XRCC3: variants seen among roughly 807,000 people sequenced by gnomAD.
The protein encoded by XRCC3 is X-ray repair cross complementing 3.
In XRCC3, 34 loss-of-function variants were observed where a neutral mutation model predicts 29.2. That is an observed-to-expected ratio of 1.16 (90% CI 0.88 to 1.55). The LOEUF is 1.55. Ranked by LOEUF, XRCC3 falls within the 40% of genes most tolerant of loss-of-function variation. XRCC3 has a pLI of 0.00. For synonymous variants in XRCC3, 223 were observed against 211.3 expected, an observed-to-expected ratio of 1.06 and a Z score of -0.48; for missense variants, 463 against 467.6, an observed-to-expected ratio of 0.99 and a Z score of 0.09.
intron 3 of XRCC3, 59 bp downstream of exon 3, chr14:103,711,406 TG>T: frequency 1.7e-6 from 1 of 571,442 alleles, no homozygotes; most frequent in Non-Finnish European, 3.3e-6. Flanking sequence ...TTACCTCCTG[TG>T]GAAAGTGCTA....
Position 103,698,906 on chromosome 14 carries a change from TGGGCAGCCGA to T in XRCC3, c.923_932del (p.Leu308GlnfsTer58), listed in dbSNP as rs773583753. 10 of 1,601,768 alleles carry T rather than the reference TGGGCAGCCGA, an allele frequency of 6.2e-6. No individual in the cohort carries two copies. Among genetic ancestry groups the T allele is most frequent in the Admixed American group, 1.7e-5 (1 of 58,596 alleles). ...CAGAGAGCACCCGCAGGGTCCGGGC[TGGGCAGCCGA>T]GGGCAGCCTCTTCCTCGCGGAGCCG... On this transcript the variant is annotated frameshift_variant, in exon 10 of 10. Transcript: ENST00000555055. LOFTEE classifies it low-confidence loss of function (END_TRUNC).
chr14:103,703,760 C>T (rs952249121), intron 6 of XRCC3: 4 of 275,226 alleles, frequency 1.5e-5, no homozygotes, highest in East Asian at 9.0e-5. Context: ...CTCAAGGCCC[C>T]CACTGAGCAA....
chr14:103,710,942 G>A lies in XRCC3; in HGVS notation c.55+91C>T, dbSNP rs1490671662. The A allele has an allele frequency of 1.6e-5, 21 of 1,349,676 alleles. No homozygotes were observed. In the East Asian group the frequency reaches 4.9e-4, roughly 32 times the overall value. 83.6% of individuals were successfully genotyped at this position (1,349,676 alleles called of 1,614,324 possible). A position where few individuals can be genotyped will look rare whatever the true frequency, so the allele number is the denominator to read the frequency against. On this transcript the variant is annotated intron_variant, in intron 4 of 9. Transcript: ENST00000555055. The stretch of plus-strand genomic sequence containing the variant: ...TAATAATCAGGGTAGGCAAAGGAAG[G>A]AAGGCTTAGCCAGCCAGCGTTTTGT...
rs900849432 is a variant in XRCC3 at position 103,708,970 on chromosome 14, C to T, written c.56-311G>A. On this transcript the variant is annotated intron_variant, in intron 4 of 9. Transcript: ENST00000555055. ...AGGTCCCGGTGCTGAGAGCAGGTTC[C>T]GGTACTGAGAAGAAACGACAGGCAC... 2.1e-5 allele frequency: 8 copies of T among 386,642 alleles called. No homozygotes were observed. In the East Asian group the frequency reaches 3.7e-4, roughly 18 times the overall value. The allele number at this position is 386,642 out of a possible 1,614,324, so 24.0% of individuals were successfully genotyped here.
At chr14:103,700,155 C>G (rs1417479552) in intron 7 of XRCC3, 1 of 202,538 alleles carries the variant, frequency 4.9e-6, no homozygotes, top group African/African-American at 2.3e-5. Flanking sequence ...TGGGAGACCA[C>G]CTGGGGGTCA....
intron 7 of XRCC3, among the ~76,000 whole-genome samples, 178 bp from the exon 8 acceptor site, chr14:103,699,754 C>T (rs1286054184): frequency 6.6e-6 from 1 of 152,142 alleles, no homozygotes; most frequent in Non-Finnish European, 1.5e-5. Flanking sequence ...CTCAAAGAGG[C>T]CCCAACTATA....
intron 5 of XRCC3, chr14:103,707,534 C>G (rs2083477489): frequency 2.2e-6 from 1 of 464,410 alleles, no homozygotes; most frequent in Non-Finnish European, 4.0e-6. Flanking sequence ...CCCTAACAGC[C>G]TCCATGTGAA....
chr14:103,700,702 G>A lies in XRCC3; in HGVS notation c.562-1126C>T, dbSNP rs769033526. 3 of 1,604,940 alleles carry A rather than the reference G, an allele frequency of 1.9e-6. No homozygotes were observed. In the South Asian group the frequency reaches 3.3e-5, roughly 18 times the overall value. On this transcript the variant is annotated intron_variant, in intron 7 of 9. Coordinates refer to ENST00000555055, the MANE Select transcript of XRCC3 (RefSeq NM_005432.4). ...TTTGTGGAAAACGACAGCAGCAGCA[G>A]TGGCCTGGAAGACGCCACCGCTAAC...
intron 6 of XRCC3, chr14:103,705,052 C>CTTT (rs2083385889): frequency 6.6e-6 from 1 of 152,208 alleles, no homozygotes; most frequent in Admixed American, 6.5e-5. Flanking sequence ...GAATTTCAAA[C>CTTT]GTAAAGAAGA....
rs2082758004 is a variant in XRCC3 at position 103,698,416 on chromosome 14, G to C, written c.*382C>G. ...TGAGGGGGTCTGAGGCCCCAGCCCA[G>C]GGGGCAGGCCTCAGACGCAACCCCA... On this transcript the variant is annotated 3_prime_UTR_variant, in exon 10 of 10. Transcript: ENST00000555055. 3.2e-6 allele frequency: 1 copy of C among 310,698 alleles called. No homozygotes were observed. The highest frequency in any genetic ancestry group is 6.2e-6 in the Non-Finnish European group (1 of 160,114). 19.2% of individuals were successfully genotyped at this position (310,698 alleles called of 1,614,324 possible).
In XRCC3 at chr14:103,706,638, G is replaced by A. The variant is rs902633055; in HGVS notation, c.406+365C>T. 40 of 390,286 alleles carry A rather than the reference G, an allele frequency of 1.0e-4. 2 individuals carry two copies. The East Asian group carries it at 1.3e-3, about 13-fold the overall frequency. 24.2% of individuals were successfully genotyped at this position (390,286 alleles called of 1,614,324 possible). On this transcript the variant is annotated intron_variant, in intron 6 of 9. Transcript: ENST00000555055. The stretch of plus-strand genomic sequence containing the variant: ...TACCTGGCCTGGCGGCGGGGCACCC[G>A]GGGAAAGGCTGTGCTGCCCTCCCTG...
chr14:103,699,603 G>C (rs192870310), intron 7 of XRCC3, 27 bp from the exon 8 acceptor site: 1 of 1,611,386 alleles, frequency 6.2e-7, no homozygotes, highest in Non-Finnish European at 8.5e-7. Context: ...CATTGTCTAT[G>C]CTGGTCAGCA....
intron 5 of XRCC3, 134 bp downstream of exon 5, chr14:103,708,388 T>C (rs1425387461): frequency 3.0e-6 from 4 of 1,340,422 alleles, no homozygotes; most frequent in East Asian, 5.1e-5. Context: ...ATGGGAACTC[T>C]GGGGCTGGAG....
At position 103,703,156 on chromosome 14, in the gene XRCC3, G is replaced by T. The variant is rs755318297; in HGVS notation, c.561+17C>A. On this transcript the variant is annotated intron_variant, in intron 7 of 9. Coordinates refer to ENST00000555055, the MANE Select transcript of XRCC3 (RefSeq NM_005432.4). Reference sequence around the variant, plus strand: ...TAGCTTGCCTTGGGGGTGTCATGGGGCTTCTCCCACACTCACCACATCGGC... The same window carrying T: ...TAGCTTGCCTTGGGGGTGTCATGGGTCTTCTCCCACACTCACCACATCGGC... 38 of 1,562,352 alleles carry T rather than the reference G, an allele frequency of 2.4e-5. 2 individuals carry two copies. In the South Asian group the frequency reaches 3.5e-4, roughly 14 times the overall value.
intron 8 of XRCC3, 77 bp from the exon 9 acceptor site, chr14:103,699,256 G>A (rs2151907483): frequency 1.9e-6 from 3 of 1,539,702 alleles, no homozygotes; most frequent in Non-Finnish European, 1.7e-6. Context: ...CTACCCGCAG[G>A]AGCCGGAGGC....
Position 103,711,243 on chromosome 14 carries a change from T to C in XRCC3, c.-156A>G, listed in dbSNP as rs1018276047. The C allele has an allele frequency of 6.5e-6, 5 of 766,270 alleles. No individual in the cohort carries two copies. Among genetic ancestry groups the C allele is most frequent in the African/African-American group, 1.7e-5 (1 of 58,160 alleles). 47.5% of individuals were successfully genotyped at this position (766,270 alleles called of 1,614,324 possible). A position where few individuals can be genotyped will look rare whatever the true frequency, so the allele number is the denominator to read the frequency against. On this transcript the variant is annotated splice_region_variant and 5_prime_UTR_variant, in exon 4 of 10. It removes the in-frame stop codon of an upstream open reading frame in the 5' UTR. Coordinates refer to ENST00000555055, the MANE Select transcript of XRCC3 (RefSeq NM_005432.4). ...AGGTGTCCGTGTCATCGGGGCTCTG[T>C]CACTGAGGGTGGAGGAGACTTCACT...
chr14:103,699,520 C>T lies in XRCC3; in HGVS notation c.618G>A (p.Met206Ile). The change falls in exon 8 of 10, where the codon ATG (methionine) becomes ATA (isoleucine). Residue 206 changes from methionine (M) to isoleucine (I), a missense_variant. Coordinates refer to ENST00000555055, the MANE Select transcript of XRCC3 (RefSeq NM_005432.4). Reference protein sequence around the residue: ...KKVPVLLSRGMARLVVIDSVA... With the variant: ...KKVPVLLSRGIARLVVIDSVA... ...CCGAGTCGATGACCACCAGGCGAGCCATGCCCCGAGACAGCAGTACGGGGA... is the reference window on the plus strand; with the variant it reads ...CCGAGTCGATGACCACCAGGCGAGCTATGCCCCGAGACAGCAGTACGGGGA... The T allele has an allele frequency of 6.2e-7, 1 of 1,613,506 alleles. No individual in the cohort carries two copies. Among genetic ancestry groups the T allele is most frequent in the Non-Finnish European group, 8.5e-7 (1 of 1,179,992 alleles).
In XRCC3 at chr14:103,699,119, A is replaced by G. The variant is rs374774780; in HGVS notation, c.821+14T>C. 229 of 1,572,592 alleles carry G rather than the reference A, an allele frequency of 1.5e-4. No homozygotes were observed. Among genetic ancestry groups the G allele is most frequent in the Middle Eastern group, 1.0e-3 (6 of 6,026 alleles). ...ACCTGCACAGAGGTGCACACACCAC[A>G]TGGCTGCACTCACCCCAGCGGCCCG... On this transcript the variant is annotated intron_variant, in intron 9 of 9. Transcript: ENST00000555055.
intron 5 of XRCC3, chr14:103,707,627 C>T (rs889086262): frequency 3.7e-5 from 12 of 327,058 alleles, no homozygotes; most frequent in Admixed American, 2.6e-4. Flanking sequence ...CCCGCAGGCG[C>T]GCACACATGC....
Sources: gnomAD v4.1 joint callset for allele counts (sites outside exome capture counted in the v4.1 genomes callset) on GRCh38, gnomAD v4.1.1 for gene constraint, MANE v1.5 for transcripts, NCBI Gene and HGNC (gene_info 2026-07-23, HGNC 2026-07-21) for gene names.